SLC19A1: variants seen among roughly 807,000 people sequenced by gnomAD.
SLC19A1 encodes reduced folate transporter.
A neutral mutation model predicts 35.3 loss-of-function variants in SLC19A1; 37 were observed. The observed-to-expected ratio is 1.05, with a 90% CI of 0.81 to 1.38. SLC19A1 has a LOEUF of 1.38. Among genes scored for constraint, SLC19A1 ranks in the 40% most tolerant of loss-of-function variants. SLC19A1 has a pLI of 0.00. For missense variants in SLC19A1, 831 were observed against 826.9 expected (o/e 1.00, Z -0.06); for synonymous variants, 460 against 398.5 (o/e 1.15, Z -1.84).
At chr21:45,529,700 G>A (rs1010950322) in intron 4 of SLC19A1, among the ~76,000 whole-genome samples, 14 of 151,760 alleles carry the variant, frequency 9.2e-5, no homozygotes, top group African/African-American at 2.4e-4. Flanking sequence ...TTGTGTGTCC[G>A]TGTGGTGTGT....
chr21:45,516,575 G>A lies in SLC19A1; in HGVS notation c.1294-435C>T, dbSNP rs116742128. On this transcript the variant is annotated intron_variant, in intron 5 of 5. Coordinates refer to ENST00000311124, the MANE Select transcript of SLC19A1 (RefSeq NM_194255.4). ...CAGGAGCTGATCCCCAGGGCTTCGC[G>A]CCCAGAGCAACCCCCAGCAGCCTGC... 5.5e-3 allele frequency among the ~76,000 whole-genome samples: 837 copies of A among 152,340 alleles called. 7 individuals are homozygous for A. The highest frequency in any genetic ancestry group is 0.019 in the African/African-American group (795 of 41,572).
intron 1 of SLC19A1, among the ~76,000 whole-genome samples, chr21:45,555,202 C>T (rs1437241940): frequency 3.0e-4 from 8 of 26,546 alleles, no homozygotes; most frequent in African/African-American, 1.3e-3. Flanking sequence ...GCGGGGGCGG[C>T]GCAGGGGGCG....
At chr21:45,538,304 C>T (rs1440371834) in intron 1 of SLC19A1, among the ~76,000 whole-genome samples, 1 of 152,246 alleles carries the variant, frequency 6.6e-6, no homozygotes, top group East Asian at 1.9e-4. Flanking sequence ...AGTTAATTAA[C>T]TAATTGACTT....
In SLC19A1 at chr21:45,537,758, G is replaced by T; in HGVS notation, c.189+13C>A. Reference sequence around the variant, plus strand: ...CCCACAGGCGGCCGCCCGGCACCCCGGCACCCACATGCCTGCTCCCGCGTG... The same window carrying T: ...CCCACAGGCGGCCGCCCGGCACCCCTGCACCCACATGCCTGCTCCCGCGTG... On this transcript the variant is annotated intron_variant, in intron 2 of 5. Transcript: ENST00000311124. The T allele has an allele frequency of 1.7e-6, 1 of 586,178 alleles. No individual in the cohort carries two copies. The highest frequency in any genetic ancestry group is 1.2e-4 in the East Asian group (1 of 8,426). The allele number at this position is 586,178 out of a possible 1,614,324, so 36.3% of individuals were successfully genotyped here.
rs2077817622 is a variant in SLC19A1 at position 45,530,194 on chromosome 21, A to G, written c.1151+576T>C. On this transcript the variant is annotated intron_variant, in intron 4 of 5. Transcript: ENST00000311124. The surrounding 1 kb of genome is among the most constrained non-coding windows in gnomAD (Gnocchi z 5.3). ...GTGCGTCCATGTGTAGTGGGTGTCC[A>G]TGTGTGATATATCCATGTGTGAACA... Among the ~76,000 whole-genome samples the G allele has an allele frequency of 6.8e-6, 1 of 146,594 alleles. No homozygotes were observed. Among genetic ancestry groups the G allele is most frequent in the African/African-American group, 2.6e-5 (1 of 39,192 alleles).
intron 2 of SLC19A1, among the ~76,000 whole-genome samples, chr21:45,536,775 G>A (rs1453808590): frequency 6.6e-6 from 1 of 152,198 alleles, no homozygotes; most frequent in African/African-American, 2.4e-5. Flanking sequence ...AGAGGACGGG[G>A]TCAGCGGCTG....
chr21:45,552,715 C>T (rs1432189481), intron 1 of SLC19A1, among the ~76,000 whole-genome samples: 3 of 151,884 alleles, frequency 2.0e-5, no homozygotes, highest in South Asian at 4.1e-4. Flanking sequence ...CAGTCTCATC[C>T]TGGCCCTGGG....
intron 3 of SLC19A1, chr21:45,505,777 T>C (rs1011637317): frequency 7.8e-7 from 1 of 1,281,914 alleles, no homozygotes; most frequent in African/African-American, 1.5e-5. Context: ...CATTCCTTCC[T>C]TCCGCCCCTG....
At chr21:45,556,878 C>A (rs146625726) in intron 1 of SLC19A1, among the ~76,000 whole-genome samples, 2 of 150,952 alleles carry the variant, frequency 1.3e-5, no homozygotes, top group Non-Finnish European at 2.9e-5. Context: ...CCGGCCTGCA[C>A]GTGTCTCCTG....
At chr21:45,511,218 C>T (rs1415841611), downstream of SLC19A1, 4 of 1,570,114 alleles carry the variant, frequency 2.5e-6, no homozygotes, top group South Asian at 1.2e-5. Context: ...TCCTGAGGCA[C>T]CCCACCTGGT....
chr21:45,559,834 C>A (rs996887786), intron 1 of SLC19A1, among the ~76,000 whole-genome samples: 2 of 152,318 alleles, frequency 1.3e-5, no homozygotes, highest in Middle Eastern at 3.4e-3. Context: ...GTCAAAATGG[C>A]CCCCAGTGTG....
intron 2 of SLC19A1, among the ~76,000 whole-genome samples, chr21:45,535,479 G>A (rs1473302442): frequency 1.3e-5 from 2 of 152,216 alleles, no homozygotes; most frequent in East Asian, 1.9e-4. Flanking sequence ...ACTGGCCCAC[G>A]GCGGGAGAAA....
chr21:45,516,148 G>A lies in SLC19A1; in HGVS notation c.1294-8C>T. The stretch of plus-strand genomic sequence containing the variant: ...CACGGAGTATAACTGGAACTGGAAA[G>A]AGAGGCCGGGTGAGGCGGGTGGGGA... On this transcript the variant is annotated splice_region_variant and splice_polypyrimidine_tract_variant and intron_variant, in intron 5 of 5. Transcript: ENST00000311124. 3 of 1,605,290 alleles carry A rather than the reference G, an allele frequency of 1.9e-6. No individual in the cohort carries two copies. Among genetic ancestry groups the A allele is most frequent in the South Asian group, 1.1e-5 (1 of 89,838 alleles).
intron 5 of SLC19A1, among the ~76,000 whole-genome samples, chr21:45,518,501 A>G (rs2038077669): frequency 6.6e-6 from 1 of 152,232 alleles, no homozygotes; most frequent in Non-Finnish European, 1.5e-5. Context: ...CTGCAGATTC[A>G]TGAAGCTGAG....
chr21:45,509,477 G>T (rs2037442395), downstream of SLC19A1: 2 of 1,525,658 alleles, frequency 1.3e-6, no homozygotes, highest in East Asian at 2.4e-5. Context: ...ATCCTGGCCA[G>T]CCCCCCTCGC....
chr21:45,509,584 C>A, downstream of SLC19A1: 1 of 1,518,638 alleles, frequency 6.6e-7, no homozygotes, highest in African/African-American at 1.4e-5. Flanking sequence ...CCACAGCCAC[C>A]GCGACTTCCA....
At chr21:45,508,283 G>A (rs1423792787), downstream of SLC19A1, among the ~76,000 whole-genome samples, 4 of 149,888 alleles carry the variant, frequency 2.7e-5, no homozygotes, top group Non-Finnish European at 5.9e-5. Flanking sequence ...TGGGTAGGTA[G>A]ATGGGGAGGT....
At chr21:45,512,343 A>G (rs201489582), downstream of SLC19A1, 217 of 1,612,768 alleles carry the variant, frequency 1.3e-4, 1 homozygote, top group African/African-American at 2.5e-3. Flanking sequence ...GCGAGCTGCC[A>G]TCACGCCTAC....
At chr21:45,535,215 C>T (rs1402143311) in intron 2 of SLC19A1, among the ~76,000 whole-genome samples, 3 of 152,232 alleles carry the variant, frequency 2.0e-5, no homozygotes, top group Non-Finnish European at 4.4e-5. Context: ...TCCCACCACA[C>T]AGCACAGTTC....
Sources: gnomAD v4.1 joint callset for allele counts (sites outside exome capture counted in the v4.1 genomes callset) on GRCh38, gnomAD v4.1.1 for gene constraint, Gnocchi (gnomAD v3.1) non-coding constraint, MANE v1.5 for transcripts, NCBI Gene and HGNC (gene_info 2026-07-23, HGNC 2026-07-21) for gene names.